HNMT: variants seen among roughly 807,000 people sequenced by gnomAD.
HNMT encodes histamine N-methyltransferase.
HNMT carries 30 observed loss-of-function variants against 32.1 expected under a neutral mutation model. That is an observed-to-expected ratio of 0.93 (90% CI 0.70 to 1.27). The LOEUF is 1.27. Ranked by LOEUF, HNMT falls within the 50% of genes most tolerant of loss-of-function variation. The probability of loss-of-function intolerance (pLI) is 0.00; values close to 1 mark genes in which losing one functional copy is unlikely to be tolerated. For synonymous variants in HNMT, 125 were observed against 119.0 expected (o/e 1.05, Z -0.33); for missense variants, 327 against 346.0 (o/e 0.95, Z 0.43).
intron 2 of HNMT, among the ~76,000 whole-genome samples, chr2:137,972,981 TAAAG>T (rs1680180370): frequency 1.3e-5 from 2 of 152,078 alleles, no homozygotes; most frequent in South Asian, 4.1e-4. Context: ...CTTAACAAAA[TAAAG>T]GGAACAACTC....
chr2:138,008,049 G>A (rs1189507805), intron 5 of HNMT, among the ~76,000 whole-genome samples: 1 of 151,742 alleles, frequency 6.6e-6, no homozygotes, highest in African/African-American at 2.4e-5. Context: ...ATAGGTAAAC[G>A]TGTCCGGGGG....
At chr2:137,971,921 T>C (rs1680147784) in intron 2 of HNMT, among the ~76,000 whole-genome samples, 1 of 152,182 alleles carries the variant, frequency 6.6e-6, no homozygotes, top group Non-Finnish European at 1.5e-5. Flanking sequence ...AGTTCAGTAA[T>C]GGTTACAACT....
chr2:137,967,956 A>C (rs573715141), intron 1 of HNMT, among the ~76,000 whole-genome samples: 17 of 152,184 alleles, frequency 1.1e-4, no homozygotes, highest in Non-Finnish European at 2.5e-4. Context: ...ATTCAATCAA[A>C]TAATGAGGCA....
rs1371990430 is a variant in HNMT, at chr2:137,964,731, G to C, written c.137+103G>C. On this transcript the variant is annotated intron_variant, in intron 1 of 5. Coordinates refer to ENST00000280097, the MANE Select transcript of HNMT (RefSeq NM_006895.3). ...CCTCGCAGGCTGGGCACAGGGATAA[G>C]GGCGAATTACTGATAGCAGCTCCCC... 4 of 1,169,860 alleles carry C rather than the reference G, an allele frequency of 3.4e-6. No homozygotes were observed. In the Admixed American group the frequency reaches 7.6e-5, roughly 22 times the overall value. 72.5% of individuals were successfully genotyped at this position (1,169,860 alleles called of 1,614,324 possible).
chr2:138,002,207 T>G lies in HNMT; in HGVS notation c.429+13T>G. The G allele has an allele frequency of 6.9e-7, 1 of 1,458,954 alleles. No individual in the cohort carries two copies. The highest frequency in any genetic ancestry group is 1.4e-5 in the African/African-American group (1 of 69,736). The allele number at this position is 1,458,954 out of a possible 1,614,324, so 90.4% of individuals were successfully genotyped here. A position where few individuals can be genotyped will look rare whatever the true frequency, so the allele number is the denominator to read the frequency against. On this transcript the variant is annotated intron_variant, in intron 4 of 5. Transcript: ENST00000280097. ...TCATATGATTCAAGTAAGAAATATG[T>G]ATTATAATATATACTCAGAAAGAAG...
At chr2:137,988,111 T>TAAAAC (rs1230563508) in intron 2 of HNMT, among the ~76,000 whole-genome samples, 1 of 152,296 alleles carries the variant, frequency 6.6e-6, no homozygotes, top group East Asian at 1.9e-4. Flanking sequence ...ATTCAGAATA[T>TAAAAC]AAAACTGTGA....
intron 2 of HNMT, among the ~76,000 whole-genome samples, chr2:137,999,001 C>G (rs1006756214): frequency 6.6e-6 from 1 of 151,998 alleles, no homozygotes; most frequent in Admixed American, 6.5e-5. Flanking sequence ...TTTTTCCCTT[C>G]AGAATAGTTG....
chr2:137,986,419 A>G (rs2104950818), intron 2 of HNMT, among the ~76,000 whole-genome samples: 1 of 152,214 alleles, frequency 6.6e-6, no homozygotes, highest in Admixed American at 6.5e-5. Flanking sequence ...AAGGCTTGAG[A>G]CTCAACAAAG....
In HNMT at chr2:137,973,771, G is replaced by GTT. The variant is rs11399875; in HGVS notation, c.190+3561_190+3562dup. ...ACTTTTATACCACTTAATTCTCATG[G>GTT]TTTTTTTTGGGGGGGGGTGGTCTAT... On this transcript the variant is annotated intron_variant, in intron 2 of 5. Transcript: ENST00000280097. Among the ~76,000 whole-genome samples the GTT allele has an allele frequency of 4.0e-5, 6 of 150,768 alleles. No individual in the cohort carries two copies. The South Asian group carries it at 6.3e-4, about 16-fold the overall frequency.
chr2:137,969,810 C>A (rs1000909299), intron 1 of HNMT, among the ~76,000 whole-genome samples: 3 of 152,072 alleles, frequency 2.0e-5, no homozygotes, highest in African/African-American at 7.2e-5. Flanking sequence ...ATAGTGGGAA[C>A]CAGCTGAGCC....
intron 5 of HNMT, among the ~76,000 whole-genome samples, chr2:138,007,838 A>G (rs925311365): frequency 6.6e-6 from 1 of 151,882 alleles, no homozygotes; most frequent in Non-Finnish European, 1.5e-5. Context: ...ATTTAGCATT[A>G]AGGTCCCACC....
At chr2:138,008,693 T>C (rs550622099) in intron 5 of HNMT, among the ~76,000 whole-genome samples, 1 of 152,038 alleles carries the variant, frequency 6.6e-6, no homozygotes, top group South Asian at 2.1e-4. Flanking sequence ...TCCTATTCAA[T>C]AAATGGTGGT....
intron 2 of HNMT, among the ~76,000 whole-genome samples, chr2:137,983,137 G>T (rs943734285): frequency 1.3e-5 from 2 of 152,124 alleles, no homozygotes; most frequent in Admixed American, 6.6e-5. Flanking sequence ...AAGTTCTAGA[G>T]CCTAAAGTAG....
chr2:137,973,001 G>A (rs1036984934), intron 2 of HNMT, among the ~76,000 whole-genome samples: 3 of 152,160 alleles, frequency 2.0e-5, no homozygotes. Context: ...AACTCTTGGA[G>A]TTCTTCTGAC....
chr2:137,994,402 TA>T (rs2104963819), intron 2 of HNMT, among the ~76,000 whole-genome samples: 1 of 152,268 alleles, frequency 6.6e-6, no homozygotes, highest in Non-Finnish European at 1.5e-5. Flanking sequence ...AAACAGACTT[TA>T]AACCAACAAA....
intron 2 of HNMT, among the ~76,000 whole-genome samples, chr2:137,972,325 C>T (rs1309746836): frequency 6.6e-6 from 1 of 152,030 alleles, no homozygotes; most frequent in Non-Finnish European, 1.5e-5. Context: ...AGGCTAGTCT[C>T]GAACTCCTTA....
chr2:137,967,903 A>T (rs1323629606), intron 1 of HNMT, among the ~76,000 whole-genome samples: 1 of 152,012 alleles, frequency 6.6e-6, no homozygotes, highest in East Asian at 1.9e-4. Context: ...TCTGTTTCTT[A>T]TGTTAGACAG....
intron 2 of HNMT, among the ~76,000 whole-genome samples, chr2:137,971,758 TTCATC>T (rs1376187969): frequency 6.6e-6 from 1 of 152,146 alleles, no homozygotes; most frequent in Admixed American, 6.5e-5. Context: ...TAAAATAAGT[TTCATC>T]TCAAGACTTT....
intron 5 of HNMT, 128 bp downstream of exon 5, chr2:138,005,353 A>G: frequency 1.6e-6 from 1 of 638,218 alleles, no homozygotes; most frequent in Admixed American, 2.7e-5. Context: ...CTCTAATCAT[A>G]GCCAATTAAT....
Sources: gnomAD v4.1 joint callset for allele counts (sites outside exome capture counted in the v4.1 genomes callset) on GRCh38, gnomAD v4.1.1 for gene constraint, MANE v1.5 for transcripts, NCBI Gene and HGNC (gene_info 2026-07-23, HGNC 2026-07-21) for gene names.